The following ATP2A2 variants were observed in gnomAD, a reference collection of about 807,000 sequenced individuals.
ATP2A2 encodes the protein ATPase sarcoplasmic/endoplasmic reticulum Ca2+ transporting 2.
A neutral mutation model predicts 109.3 loss-of-function variants in ATP2A2; 14 were observed. The ratio of observed to expected loss-of-function variants is 0.13; its 90% CI spans 0.08 to 0.20. The LOEUF (loss-of-function observed/expected upper bound fraction) is 0.20. Among genes scored for constraint, ATP2A2 ranks in the 10% least tolerant of loss-of-function variants. The probability of loss-of-function intolerance (pLI) is 1.00; values close to 1 mark genes in which losing one functional copy is unlikely to be tolerated. For missense variants in ATP2A2, 657 were observed against 1,321.6 expected (o/e 0.50, Z 7.80); for synonymous variants, 506 against 490.9 (o/e 1.03, Z -0.41).
At chr12:110,305,490 C>T (rs931663207) in intron 5 of ATP2A2, among the ~76,000 whole-genome samples, 4 of 152,198 alleles carry the variant, frequency 2.6e-5, no homozygotes, top group Admixed American at 1.3e-4. Context: ...TTAGTTGTCT[C>T]AGCACCATTT....
chr12:110,288,158 A>C (rs983665793), intron 3 of ATP2A2, among the ~76,000 whole-genome samples: 23 of 131,736 alleles, frequency 1.7e-4, no homozygotes, highest in Non-Finnish European at 3.5e-4. Context: ...CCTAGGCTGG[A>C]ATGTAGTAGT....
rs2137692452 is a variant in ATP2A2, at chr12:110,288,824, A to G, written c.220-3196A>G. ...CAAACCATAATTATGAACTCACATT[A>G]CTATAGTACTATAATACTGCAGTAA... On this transcript the variant is annotated intron_variant, in intron 3 of 19. Coordinates refer to ENST00000539276, the MANE Select transcript of ATP2A2 (RefSeq NM_170665.4). Among the ~76,000 whole-genome samples, 3 of 152,336 alleles carry G rather than the reference A, an allele frequency of 2.0e-5. 1 individual carries two copies. The Middle Eastern group carries it at 0.01, about 518-fold the overall frequency.
chr12:110,324,662 C>A (rs1033237123), intron 6 of ATP2A2, among the ~76,000 whole-genome samples: 1 of 151,906 alleles, frequency 6.6e-6, no homozygotes, highest in South Asian at 2.1e-4. Flanking sequence ...TCTCATGATC[C>A]GCCTGCCTTG....
At chr12:110,341,150 T>G (rs1879316598) in intron 14 of ATP2A2, among the ~76,000 whole-genome samples, 156 bp downstream of exon 14, 1 of 152,190 alleles carries the variant, frequency 6.6e-6, no homozygotes. Flanking sequence ...GTGGTTAGCA[T>G]GTTGTGTGCT....
intron 5 of ATP2A2, among the ~76,000 whole-genome samples, chr12:110,302,577 T>TTTA (rs1195040491): frequency 6.7e-5 from 7 of 103,986 alleles, no homozygotes; most frequent in African/African-American, 2.5e-4. Context: ...AATTTTTATT[T>TTTA]TTATTACTAT....
At chr12:110,284,841 C>T (rs556790638) in intron 3 of ATP2A2, among the ~76,000 whole-genome samples, 2 of 152,194 alleles carry the variant, frequency 1.3e-5, no homozygotes, top group South Asian at 4.2e-4. Context: ...AATTAATTTG[C>T]TTTGGTTTGT....
intron 4 of ATP2A2, among the ~76,000 whole-genome samples, chr12:110,295,026 C>T (rs933759130): frequency 1.3e-5 from 2 of 152,072 alleles, no homozygotes; most frequent in African/African-American, 4.8e-5. Context: ...ACCATGTTGG[C>T]CAGGCTGGTC....
At chr12:110,318,764 G>A (rs7967246) in intron 5 of ATP2A2, among the ~76,000 whole-genome samples, 17,143 of 152,210 alleles carry the variant, frequency 0.11, 1,173 homozygotes, top group African/African-American at 0.2. Context: ...ATAAGCCACC[G>A]TGCCCAGTCT....
chr12:110,287,491 A>G (rs996838692), intron 3 of ATP2A2, among the ~76,000 whole-genome samples: 1 of 152,230 alleles, frequency 6.6e-6, no homozygotes, highest in Non-Finnish European at 1.5e-5. Flanking sequence ...ATGTCCCAGA[A>G]GACAGGTATT....
At chr12:110,320,488 A>G (rs550198122) in intron 5 of ATP2A2, among the ~76,000 whole-genome samples, 1 of 152,212 alleles carries the variant, frequency 6.6e-6, no homozygotes, top group Non-Finnish European at 1.5e-5. Context: ...TCTTTTTGAA[A>G]TGTTCGAGGG....
intron 11 of ATP2A2, among the ~76,000 whole-genome samples, chr12:110,334,752 T>TA (rs1226749282): frequency 4.6e-5 from 7 of 151,968 alleles, no homozygotes; most frequent in African/African-American, 1.7e-4. Flanking sequence ...CACGCCTGGC[T>TA]AATTTTTTGT....
intron 4 of ATP2A2, among the ~76,000 whole-genome samples, chr12:110,293,856 G>GTA (rs1873639225): frequency 8.1e-6 from 1 of 123,908 alleles, no homozygotes. Context: ...GTGTGTGTGT[G>GTA]TGTGTGTGTA....
In ATP2A2 at chr12:110,343,358, C is replaced by T; in HGVS notation, c.2445C>T (p.Ile815=). The change falls in exon 16 of 20, where the codon ATC becomes ATT. Residue 815 remains isoleucine, a synonymous_variant. Transcript: ENST00000539276. ...ALGFNPPDLD[I]MNKPPRNPKE... ...GGTTCAACCCTCCTGATCTGGACATCATGAATAAACCTCCCCGGAACCCAA... is the reference window on the plus strand; with the variant it reads ...GGTTCAACCCTCCTGATCTGGACATTATGAATAAACCTCCCCGGAACCCAA... 6.2e-7 allele frequency: 1 copy of T among 1,614,220 alleles called. No individual in the cohort carries two copies. The highest frequency in any genetic ancestry group is 8.5e-7 in the Non-Finnish European group (1 of 1,180,042).
At position 110,327,402 on chromosome 12, in the gene ATP2A2, C is replaced by T. The variant is rs1877916077; in HGVS notation, c.631-151C>T. 2.6e-6 allele frequency: 2 copies of T among 783,324 alleles called. No individual in the cohort carries two copies. Among genetic ancestry groups the T allele is most frequent in the African/African-American group, 1.7e-5 (1 of 59,128 alleles). The allele number at this position is 783,324 out of a possible 1,614,324, so 48.5% of individuals were successfully genotyped here. ...TAGCACATGGAGCATTGCTTGTTGT[C>T]ACAGTTGTATGGCTGGTTGCTTGAA... On this transcript the variant is annotated intron_variant, in intron 7 of 19. Coordinates refer to ENST00000539276, the MANE Select transcript of ATP2A2 (RefSeq NM_170665.4). The surrounding 1 kb of genome is among the most constrained non-coding windows in gnomAD (Gnocchi z 4.4).
chr12:110,324,610 CGG>C (rs1209275855), intron 6 of ATP2A2, among the ~76,000 whole-genome samples: 1 of 151,996 alleles, frequency 6.6e-6, no homozygotes, highest in African/African-American at 2.4e-5. Flanking sequence ...TTAGTAGAGA[CGG>C]GGTTTCACTG....
intron 5 of ATP2A2, among the ~76,000 whole-genome samples, chr12:110,322,400 G>T (rs1284215250): frequency 6.6e-6 from 1 of 152,018 alleles, no homozygotes; most frequent in East Asian, 1.9e-4. Context: ...AAGCTGAAGT[G>T]GGAGGTCAAG....
At chr12:110,280,885 C>G (rs1871959205), upstream of ATP2A2, 5 of 152,596 alleles carry the variant, frequency 3.3e-5, no homozygotes, top group South Asian at 6.2e-4. Context: ...CTCCCAGCTC[C>G]TCGGCCTCGC....
At chr12:110,304,200 A>T (rs1054323013) in intron 5 of ATP2A2, among the ~76,000 whole-genome samples, 1 of 152,140 alleles carries the variant, frequency 6.6e-6, no homozygotes, top group Admixed American at 6.5e-5. Context: ...GGTTGTTTCC[A>T]GTTTTGGTCT....
At position 110,346,426 on chromosome 12, in the gene ATP2A2, G is replaced by A; in HGVS notation, c.3085G>A (p.Val1029Ile). ...GCTCATAATGCCCCTGGTGATCTGG[G>A]TCTATAGCACAGACACTAACTTTAG... ...VLLIMPLVIW[V>I]YSTDTNFSDM... The change falls in exon 20 of 20, where the codon GTC becomes ATC. Residue 1029 changes from valine (V) to isoleucine (I), a missense_variant. Coordinates refer to ENST00000539276, the MANE Select transcript of ATP2A2 (RefSeq NM_170665.4). The A allele has an allele frequency of 6.2e-7, 1 of 1,614,170 alleles. No homozygotes were observed. The highest frequency in any genetic ancestry group is 1.3e-5 in the African/African-American group (1 of 75,020).
Sources: allele counts gnomAD v4.1 joint callset (sites outside exome capture counted in the v4.1 genomes callset), GRCh38; gene constraint gnomAD v4.1.1; non-coding constraint Gnocchi (gnomAD v3.1); transcripts MANE v1.5; gene names NCBI Gene and HGNC (gene_info 2026-07-23, HGNC 2026-07-21).